The following PDE11A variants were observed in gnomAD, a reference collection of about 807,000 sequenced individuals.
The protein encoded by PDE11A is dual 3',5'-cyclic-AMP and -GMP phosphodiesterase 11A.
PDE11A carries 100 observed loss-of-function variants against 100.5 expected under a neutral mutation model. The observed-to-expected ratio is 1.00, with a 90% CI of 0.85 to 1.18. The LOEUF (loss-of-function observed/expected upper bound fraction) is 1.18. Ranked by LOEUF, PDE11A falls within the 50% of genes most tolerant of loss-of-function variation. The pLI is 0.00. For synonymous variants in PDE11A, 381 were observed against 420.8 expected (o/e 0.91, Z 1.16); for missense variants, 1,141 against 1,152.6 (o/e 0.99, Z 0.15).
chr2:177,963,627 C>T (rs2085662324), intron 2 of PDE11A, among the ~76,000 whole-genome samples: 2 of 152,144 alleles, frequency 1.3e-5, no homozygotes, highest in Non-Finnish European at 2.9e-5. Flanking sequence ...CAGAGAAACA[C>T]CCAACCCATT....
chr2:177,639,882 G>A (rs1201449085), intron 19 of PDE11A, among the ~76,000 whole-genome samples: 2 of 152,132 alleles, frequency 1.3e-5, no homozygotes, highest in Admixed American at 6.5e-5. Flanking sequence ...GGGCATAGAG[G>A]AACCCCATCA....
chr2:177,746,130 T>C (rs1443408701), intron 10 of PDE11A, among the ~76,000 whole-genome samples: 1 of 152,158 alleles, frequency 6.6e-6, no homozygotes, highest in East Asian at 1.9e-4. Context: ...ACAATTTGCA[T>C]ATCATCATAA....
chr2:178,015,737 G>A (rs985355559), intron 1 of PDE11A, among the ~76,000 whole-genome samples: 3 of 152,060 alleles, frequency 2.0e-5, no homozygotes, highest in Non-Finnish European at 4.4e-5. Context: ...AGGAAGGAAC[G>A]AATGGATGGA....
At chr2:177,819,002 C>T (rs575170537) in intron 7 of PDE11A, among the ~76,000 whole-genome samples, 33 of 152,086 alleles carry the variant, frequency 2.2e-4, no homozygotes, top group Admixed American at 1.1e-3. Context: ...TGTAACCAGG[C>T]AAACTACGGT....
At chr2:178,051,055 A>T (rs1232686525) in intron 1 of PDE11A, among the ~76,000 whole-genome samples, 13 of 132,476 alleles carry the variant, frequency 9.8e-5, no homozygotes, top group Admixed American at 3.3e-4. Flanking sequence ...CACATAATTA[A>T]CAGATTCACC....
At chr2:178,087,510 A>G (rs2087373780) in intron 2 of PDE11A, among the ~76,000 whole-genome samples, 1 of 152,202 alleles carries the variant, frequency 6.6e-6, no homozygotes, top group Admixed American at 6.5e-5. Flanking sequence ...GCTGTCACTT[A>G]AAAGTAGGAG....
intron 2 of PDE11A, among the ~76,000 whole-genome samples, chr2:177,935,020 G>A (rs764813920): frequency 1.3e-5 from 2 of 152,080 alleles, no homozygotes; most frequent in Non-Finnish European, 2.9e-5. Flanking sequence ...GTACCTGAGT[G>A]ACAGGATCAT....
chr2:178,051,950 TCAA>T lies in PDE11A; in HGVS notation c.912+19573_912+19575del, dbSNP rs2086833646. Among the ~76,000 whole-genome samples the T allele has an allele frequency of 2.0e-5, 3 of 152,028 alleles. No individual in the cohort carries two copies. In the South Asian group the frequency reaches 6.2e-4, roughly 32 times the overall value. ...CACCCCACTGTCAACATTAGACAGATCAACGAGACAGAAAGTTAACAAGGATAC... is the reference window on the plus strand; with the variant it reads ...CACCCCACTGTCAACATTAGACAGATCGAGACAGAAAGTTAACAAGGATAC... On this transcript the variant is annotated intron_variant, in intron 1 of 19. Coordinates refer to ENST00000286063, the MANE Select transcript of PDE11A (RefSeq NM_016953.4).
At chr2:178,017,164 T>C (rs1222184235) in intron 1 of PDE11A, among the ~76,000 whole-genome samples, 2 of 152,272 alleles carry the variant, frequency 1.3e-5, no homozygotes, top group African/African-American at 4.8e-5. Flanking sequence ...TTATGCAGAA[T>C]ATAGAAAAGT....
intron 1 of PDE11A, among the ~76,000 whole-genome samples, chr2:178,035,453 A>G (rs2086600852): frequency 6.6e-6 from 1 of 152,240 alleles, no homozygotes; most frequent in African/African-American, 2.4e-5. Context: ...AGGTACAAAG[A>G]GGAGCTAGTA....
intron 17 of PDE11A, among the ~76,000 whole-genome samples, chr2:177,669,972 A>C (rs2080651681): frequency 1.3e-5 from 2 of 152,160 alleles, no homozygotes; most frequent in African/African-American, 2.4e-5. Flanking sequence ...TTCTATGTAG[A>C]TTATTTATTT....
chr2:177,631,316 AAAAAAAC>A (rs2079918598), intron 19 of PDE11A, among the ~76,000 whole-genome samples: 1 of 45,860 alleles, frequency 2.2e-5, no homozygotes, highest in Non-Finnish European at 5.9e-5. Flanking sequence ...AAAAACAAAA[AAAAAAAC>A]AACCTAGGCG....
intron 19 of PDE11A, among the ~76,000 whole-genome samples, chr2:177,652,612 G>A (rs1308852432): frequency 6.6e-6 from 1 of 152,166 alleles, no homozygotes; most frequent in African/African-American, 2.4e-5. Context: ...GAGCCTTGAG[G>A]ATGGGACTAT....
At chr2:177,811,845 G>A (rs960927253) in intron 9 of PDE11A, among the ~76,000 whole-genome samples, 3 of 152,158 alleles carry the variant, frequency 2.0e-5, no homozygotes, top group Non-Finnish European at 4.4e-5. Flanking sequence ...CTGCACTTGC[G>A]ATGCTTCTGG....
intron 13 of PDE11A, among the ~76,000 whole-genome samples, chr2:177,710,330 A>G (rs2105423292): frequency 6.6e-6 from 1 of 150,936 alleles, no homozygotes; most frequent in South Asian, 2.1e-4. Flanking sequence ...TTCTCCGTGA[A>G]GTAGGAGGCA....
intron 6 of PDE11A, among the ~76,000 whole-genome samples, chr2:177,835,610 G>C (rs945985361): frequency 6.6e-6 from 1 of 152,210 alleles, no homozygotes; most frequent in Admixed American, 6.5e-5. Flanking sequence ...TGCACTGTGG[G>C]AGCCCCTCTC....
At chr2:178,064,335 T>G (rs1228182816) in intron 1 of PDE11A, among the ~76,000 whole-genome samples, 1 of 152,202 alleles carries the variant, frequency 6.6e-6, no homozygotes, top group Admixed American at 6.5e-5. Flanking sequence ...GCTGTAGGTG[T>G]GTTCGGCCAA....
intron 2 of PDE11A, among the ~76,000 whole-genome samples, chr2:178,094,474 A>G (rs2087464294): frequency 6.6e-6 from 1 of 152,164 alleles, no homozygotes; most frequent in South Asian, 2.1e-4. Context: ...CAAGGCTGCA[A>G]TGAGCTGAGA....
At chr2:178,096,421 C>T (rs1468168596) in intron 2 of PDE11A, among the ~76,000 whole-genome samples, 1 of 151,742 alleles carries the variant, frequency 6.6e-6, no homozygotes, top group Non-Finnish European at 1.5e-5. Context: ...GATCCGCCCG[C>T]CTCGGCCTCC....
Sources: gnomAD v4.1 joint callset for allele counts (sites outside exome capture counted in the v4.1 genomes callset) on GRCh38, gnomAD v4.1.1 for gene constraint, MANE v1.5 for transcripts, NCBI Gene and HGNC (gene_info 2026-07-23, HGNC 2026-07-21) for gene names.